CGGBP1: variants seen among roughly 807,000 people sequenced by gnomAD.
The protein encoded by CGGBP1 is CGG triplet repeat-binding protein 1.
In CGGBP1, 4 loss-of-function variants were observed where a neutral mutation model predicts 11.4. The ratio of observed to expected loss-of-function variants is 0.35; its 90% CI spans 0.17 to 0.80. The LOEUF (loss-of-function observed/expected upper bound fraction) is 0.80, where lower values mean the gene tolerates loss of function less well. CGGBP1 is among the 30% of genes least tolerant of loss of function. The pLI, the probability that CGGBP1 is intolerant of heterozygous loss-of-function variation, is 0.52. For synonymous variants in CGGBP1, 76 were observed against 74.1 expected (o/e 1.03, Z -0.13); for missense variants, 135 against 202.1 (o/e 0.67, Z 2.01).
At chr3:88,131,175 C>T (rs1335050761) in intron 2 of CGGBP1, among the ~76,000 whole-genome samples, 1 of 151,930 alleles carries the variant, frequency 6.6e-6, no homozygotes, top group East Asian at 1.9e-4. Flanking sequence ...ATGCTGTAGG[C>T]AATTATAACA....
chr3:88,086,361 T>C (rs1017249588), intron 2 of CGGBP1: 73 of 1,535,622 alleles, frequency 4.8e-5, no homozygotes, highest in Non-Finnish European at 6.3e-5. Flanking sequence ...CATTCCCAGA[T>C]GAATGTGAGC....
chr3:88,053,087 A>G lies in CGGBP1; in HGVS notation c.*2386T>C, dbSNP rs1576156678. 3 of 150,928 alleles carry G rather than the reference A, an allele frequency of 2.0e-5. No homozygotes were observed. The highest frequency in any genetic ancestry group is 3.4e-3 in the Middle Eastern group (1 of 294). The allele number at this position is 150,928 out of a possible 1,614,324, so 9.3% of individuals were successfully genotyped here. A position where few individuals can be genotyped will look rare whatever the true frequency, so the allele number is the denominator to read the frequency against. On this transcript the variant is annotated 3_prime_UTR_variant, in exon 4 of 4. Coordinates refer to ENST00000482016, the MANE Select transcript of CGGBP1 (RefSeq NM_001008390.2). Reference sequence around the variant, plus strand: ...GTATAGCATCACACTAACACTATATAGTTAAGATTGAAAACTTCTGTACAC... The same window carrying G: ...GTATAGCATCACACTAACACTATATGGTTAAGATTGAAAACTTCTGTACAC...
chr3:88,108,375 T>G (rs4443201), intron 2 of CGGBP1, among the ~76,000 whole-genome samples: 143,077 of 152,094 alleles, frequency 0.94, 67,823 homozygotes, highest in Non-Finnish European at 1. Flanking sequence ...TAAAGGTACC[T>G]AGTGACTCAT....
At chr3:88,057,124 G>A (rs529062180) in intron 3 of CGGBP1, 67 bp downstream of exon 3, 10 of 152,266 alleles carry the variant, frequency 6.6e-5, no homozygotes, top group African/African-American at 2.4e-4. Context: ...ATAATTCTAA[G>A]TGTGCTCTGA....
In CGGBP1 at chr3:88,069,634, CT is replaced by C. The variant is rs1385157540; in HGVS notation, c.-228-11412del. The stretch of plus-strand genomic sequence containing the variant: ...GCAAGCTTCAACATTCACATCAGGA[CT>C]TTTCTGCTACTTAGATGGAGAGTCT... On this transcript the variant is annotated intron_variant, in intron 2 of 3. Coordinates refer to the CGGBP1 transcript ENST00000462901. Among the ~76,000 whole-genome samples, 5 of 152,320 alleles carry C rather than the reference CT, an allele frequency of 3.3e-5. No individual in the cohort carries two copies. In the East Asian group the frequency reaches 9.6e-4, roughly 29 times the overall value.
At chr3:88,101,505 A>G (rs894220957) in intron 2 of CGGBP1, among the ~76,000 whole-genome samples, 1 of 152,192 alleles carries the variant, frequency 6.6e-6, no homozygotes, top group African/African-American at 2.4e-5. Context: ...AGGTTTACCT[A>G]TGTTAGCATT....
At chr3:88,139,862 G>A (rs1707013005) in intron 2 of CGGBP1, 2 of 1,602,294 alleles carry the variant, frequency 1.2e-6, no homozygotes, top group East Asian at 2.2e-5. Flanking sequence ...ATGGAACTGT[G>A]TGCCATCCAA....
intron 2 of CGGBP1, among the ~76,000 whole-genome samples, chr3:88,133,009 T>C (rs996108923): frequency 1.3e-5 from 2 of 152,198 alleles, no homozygotes; most frequent in African/African-American, 4.8e-5. Flanking sequence ...GCTAATGTTT[T>C]TCAAAATCTG....
chr3:88,129,164 C>G (rs1219348981), intron 2 of CGGBP1: 1 of 582,968 alleles, frequency 1.7e-6, no homozygotes, highest in Non-Finnish European at 2.9e-6. Context: ...TCTTTTGGCA[C>G]CATAACTTAA....
intron 1 of CGGBP1, chr3:88,141,146 G>T: frequency 7.3e-7 from 1 of 1,365,896 alleles, no homozygotes; most frequent in Admixed American, 2.5e-5. Context: ...ATTGATATTT[G>T]TGTAGCACAG....
intron 2 of CGGBP1, among the ~76,000 whole-genome samples, chr3:88,133,288 C>T: frequency 6.6e-6 from 1 of 152,140 alleles, no homozygotes; most frequent in Non-Finnish European, 1.5e-5. Flanking sequence ...ACTCCAATCA[C>T]TGTATAATGC....
At chr3:88,149,715 A>C in exon 1 of CGGBP1, 1 of 174,504 alleles carries the variant, frequency 5.7e-6, no homozygotes, top group Non-Finnish European at 1.2e-5. Context: ...ACGCACCTGC[A>C]CCTGCGCAGC....
intron 2 of CGGBP1, among the ~76,000 whole-genome samples, chr3:88,089,676 AG>A (rs1708533453): frequency 6.6e-6 from 1 of 152,094 alleles, no homozygotes; most frequent in Non-Finnish European, 1.5e-5. Flanking sequence ...TGACAGTTCT[AG>A]GATTAAGCTC....
intron 2 of CGGBP1, among the ~76,000 whole-genome samples, chr3:88,102,008 C>T (rs1704454349): frequency 6.6e-6 from 1 of 151,448 alleles, no homozygotes; most frequent in South Asian, 2.1e-4. Context: ...TATTTGTCAT[C>T]TTACTGAGTT....
chr3:88,140,650 C>T (rs1335253637), intron 2 of CGGBP1: 1 of 1,613,758 alleles, frequency 6.2e-7, no homozygotes. Context: ...TCAGATCCTG[C>T]TTTGAAAATT....
chr3:88,110,749 A>G (rs575416334), intron 2 of CGGBP1, among the ~76,000 whole-genome samples: 6 of 152,284 alleles, frequency 3.9e-5, no homozygotes, highest in Non-Finnish European at 5.9e-5. Context: ...TCAATAGGAA[A>G]TACAACAGGT....
chr3:88,097,790 C>CA lies in CGGBP1; in HGVS notation c.-228-39568dup, dbSNP rs998403852. ...AGATGTTCTTTGAAACCAATGAGAA[C>CA]AAAGACACAACATAACAGAATATCT... is the stretch of plus-strand genomic sequence containing the variant. On this transcript the variant is annotated intron_variant, in intron 2 of 3. Coordinates refer to the CGGBP1 transcript ENST00000462901. Among the ~76,000 whole-genome samples the CA allele has an allele frequency of 7.2e-5, 11 of 152,178 alleles. No individual in the cohort carries two copies. The South Asian group carries it at 1.2e-3, about 17-fold the overall frequency.
chr3:88,148,077 C>T (rs1302933415), intron 1 of CGGBP1, among the ~76,000 whole-genome samples: 1 of 152,168 alleles, frequency 6.6e-6, no homozygotes, highest in East Asian at 1.9e-4. Context: ...GTTGCTTCTT[C>T]CTACCATGCT....
chr3:88,140,027 A>T, intron 2 of CGGBP1: 1 of 1,613,806 alleles, frequency 6.2e-7, no homozygotes, highest in Non-Finnish European at 8.5e-7. Flanking sequence ...AGTGGAGCAA[A>T]GGAAAATGCA....
Sources: gnomAD v4.1 joint callset for allele counts (sites outside exome capture counted in the v4.1 genomes callset) on GRCh38, gnomAD v4.1.1 for gene constraint, MANE v1.5 for transcripts, NCBI Gene and HGNC (gene_info 2026-07-23, HGNC 2026-07-21) for gene names.